Variants in NFAT5 observed in about 807,000 individuals in gnomAD.
NFAT5 encodes the protein nuclear factor of activated T-cells 5.
Under a neutral mutation model 166.5 loss-of-function variants are expected in NFAT5, and 31 were observed. The observed-to-expected ratio is 0.19, with a 90% CI of 0.14 to 0.25. The LOEUF (loss-of-function observed/expected upper bound fraction) is 0.25. Among genes scored for constraint, NFAT5 ranks in the 10% least tolerant of loss-of-function variants. NFAT5 has a pLI of 1.00. For missense variants in NFAT5, 1,449 were observed against 1,821.8 expected (o/e 0.80, Z 3.72); for synonymous variants, 612 against 639.7 (o/e 0.96, Z 0.65).
chr16:69,566,716 A>G lies in NFAT5; in HGVS notation c.73+342A>G, dbSNP rs902706046. Among the ~76,000 whole-genome samples the G allele has an allele frequency of 1.3e-5, 2 of 151,624 alleles. No individual in the cohort carries two copies. Among genetic ancestry groups the G allele is most frequent in the African/African-American group, 4.8e-5 (2 of 41,316 alleles). On this transcript the variant is annotated intron_variant, in intron 1 of 14. Transcript: ENST00000349945. This position sits in a 1 kb window ranked among gnomAD's most constrained non-coding sequence, Gnocchi z 5.7. ...CGGCCCCGGCCTCCCGGGCTCGGGG[A>G]TGGCCCCAGACTGGGCCCCGCGCTG...
In NFAT5 at chr16:69,647,549, AC is replaced by A. The variant is rs2035490210; in HGVS notation, c.777del (p.Thr260ArgfsTer22). On this transcript the variant is annotated frameshift_variant, in exon 4 of 15. Transcript: ENST00000349945. LOFTEE classifies it high-confidence loss of function. This position sits in a 1 kb window ranked among gnomAD's most constrained non-coding sequence, Gnocchi z 4.8. Reference protein sequence around the residue: ...KAPHYVLSQLTTDNKGNSKAG... With the variant: ...KAPHYVLSQLXTDNKGNSKAG... The stretch of plus-strand genomic sequence containing the variant: ...ACCTCACTATGTGCTTTCTCAGCTT[AC>A]CACGGACAACAAAGGCAACTCAAAA... The A allele has an allele frequency of 6.3e-7, 1 of 1,593,414 alleles. No individual in the cohort carries two copies. Among genetic ancestry groups the A allele is most frequent in the Non-Finnish European group, 8.5e-7 (1 of 1,172,352 alleles).
chr16:69,659,440 CA>C (rs140974727), intron 6 of NFAT5, among the ~76,000 whole-genome samples: 1 of 148,686 alleles, frequency 6.7e-6, no homozygotes, highest in African/African-American at 2.5e-5. Context: ...GACTCCATCT[CA>C]AAAAAAAAGA....
In NFAT5 at chr16:69,657,025, T is replaced by C. The variant is rs2035909611; in HGVS notation, c.1196+1226T>C. Among the ~76,000 whole-genome samples the C allele has an allele frequency of 2.0e-5, 3 of 151,938 alleles. No homozygotes were observed. In the South Asian group the frequency reaches 6.2e-4, roughly 32 times the overall value. ...GATCTATGTTGTAATTATTTGTATA[T>C]TGGATAGTTGCTAAAGACTTTACTT... On this transcript the variant is annotated intron_variant, in intron 6 of 14. Transcript: ENST00000349945.
At chr16:69,634,805 T>G (rs1373231352) in intron 3 of NFAT5, among the ~76,000 whole-genome samples, 1 of 152,198 alleles carries the variant, frequency 6.6e-6, no homozygotes, top group Admixed American at 6.5e-5. Flanking sequence ...TGAATCTAAT[T>G]GCTATCATAT....
intron 2 of NFAT5, among the ~76,000 whole-genome samples, chr16:69,581,521 C>T (rs1255984008): frequency 6.6e-6 from 1 of 152,180 alleles, no homozygotes; most frequent in Non-Finnish European, 1.5e-5. Flanking sequence ...AACTGCCAAA[C>T]TGCTTTCCAT....
chr16:69,657,676 T>C (rs1379183296), intron 6 of NFAT5, among the ~76,000 whole-genome samples: 27 of 144,204 alleles, frequency 1.9e-4, no homozygotes, highest in African/African-American at 6.4e-4. Flanking sequence ...AGAGAATTGC[T>C]TGAAGCCGGG....
intron 3 of NFAT5, among the ~76,000 whole-genome samples, chr16:69,629,874 T>G (rs987739006): frequency 2.0e-5 from 3 of 149,614 alleles, no homozygotes; most frequent in Non-Finnish European, 4.4e-5. Flanking sequence ...GCTCAAGTGA[T>G]CCTCCCATTT....
At chr16:69,633,879 G>A (rs1245343856) in intron 3 of NFAT5, among the ~76,000 whole-genome samples, 1 of 151,892 alleles carries the variant, frequency 6.6e-6, no homozygotes, top group Non-Finnish European at 1.5e-5. Flanking sequence ...TAATGGATAT[G>A]TTAATTACCT....
At chr16:69,629,177 G>A (rs2034597232) in intron 3 of NFAT5, among the ~76,000 whole-genome samples, 1 of 152,230 alleles carries the variant, frequency 6.6e-6, no homozygotes, top group Admixed American at 6.5e-5. Context: ...TCTCAGGTAT[G>A]AGGGCCTGGT....
Position 69,566,636 on chromosome 16 carries a change from C to T in NFAT5, c.73+262C>T, listed in dbSNP as rs976799426. ...GTCGGCCCCCGGGGCTCTGCGGCACCGGTCGCTTCTAGCCGCTCTCAGCCC... is the reference window on the plus strand; with the variant it reads ...GTCGGCCCCCGGGGCTCTGCGGCACTGGTCGCTTCTAGCCGCTCTCAGCCC... On this transcript the variant is annotated intron_variant, in intron 1 of 14. Transcript: ENST00000349945. The surrounding 1 kb of genome is among the most constrained non-coding windows in gnomAD (Gnocchi z 5.7). 1.3e-5 allele frequency among the ~76,000 whole-genome samples: 2 copies of T among 152,108 alleles called. No individual in the cohort carries two copies. Among genetic ancestry groups the T allele is most frequent in the Admixed American group, 6.5e-5 (1 of 15,298 alleles).
intron 7 of NFAT5, among the ~76,000 whole-genome samples, chr16:69,664,272 T>A (rs2036266896): frequency 6.6e-6 from 1 of 152,148 alleles, no homozygotes; most frequent in African/African-American, 2.4e-5. Context: ...ATATTCATTA[T>A]TTTTTTCAAC....
intron 9 of NFAT5, 125 bp from the exon 10 acceptor site, chr16:69,677,078 A>T: frequency 1.1e-6 from 1 of 921,358 alleles, no homozygotes; most frequent in Non-Finnish European, 1.6e-6. Context: ...CCTGAGCTTT[A>T]AAATGCATTC....
intron 3 of NFAT5, among the ~76,000 whole-genome samples, chr16:69,633,595 T>C (rs940058265): frequency 6.6e-6 from 1 of 152,200 alleles, no homozygotes; most frequent in Non-Finnish European, 1.5e-5. Flanking sequence ...AAACACTGCA[T>C]GTTCTCACTC....
Position 69,692,876 on chromosome 16 carries a change from G to A in NFAT5, c.3051G>A (p.Gln1017=). The A allele has an allele frequency of 6.2e-7, 1 of 1,614,210 alleles. No homozygotes were observed. The highest frequency in any genetic ancestry group is 2.2e-5 in the East Asian group (1 of 44,884). ...AAGAAACTGGAACACAAGCAAAACA[G>A]ATTCAGAACAGTGTCTTTCAGACCA... ...DGEETGTQAK[Q]IQNSVFQTMV... The change falls in exon 13 of 15, where the codon CAG becomes CAA. Residue 1017 remains glutamine (Q), a synonymous_variant. Coordinates refer to ENST00000349945, the MANE Select transcript of NFAT5 (RefSeq NM_138713.4).
chr16:69,674,197 C>G (rs1401133792), intron 9 of NFAT5, among the ~76,000 whole-genome samples: 1 of 145,450 alleles, frequency 6.9e-6, no homozygotes, highest in Non-Finnish European at 1.5e-5. Context: ...GAGCTGAGAT[C>G]ACGCCATTGC....
At chr16:69,673,581 G>A (rs908185436) in intron 9 of NFAT5, among the ~76,000 whole-genome samples, 5 of 152,078 alleles carry the variant, frequency 3.3e-5, no homozygotes, top group African/African-American at 4.8e-5. Context: ...AATATAGCCA[G>A]TCATGGTGGC....
chr16:69,683,166 G>A (rs191743087), intron 10 of NFAT5, among the ~76,000 whole-genome samples: 76 of 152,044 alleles, frequency 5.0e-4, no homozygotes, highest in Non-Finnish European at 7.5e-4. Context: ...AGCTGAGATC[G>A]CGCCACTGCA....
At chr16:69,646,822 A>G (rs2035456365) in intron 3 of NFAT5, among the ~76,000 whole-genome samples, 1 of 152,278 alleles carries the variant, frequency 6.6e-6, no homozygotes, top group Non-Finnish European at 1.5e-5. Flanking sequence ...TAACATAAGT[A>G]AAATAATGCT....
At chr16:69,587,362 C>T (rs948457080) in intron 2 of NFAT5, among the ~76,000 whole-genome samples, 6 of 150,938 alleles carry the variant, frequency 4.0e-5, no homozygotes, top group Admixed American at 2.6e-4. Context: ...AGGTGTGAGC[C>T]ACCATGCCCG....
Sources: allele counts gnomAD v4.1 joint callset (sites outside exome capture counted in the v4.1 genomes callset), GRCh38; gene constraint gnomAD v4.1.1; non-coding constraint Gnocchi (gnomAD v3.1); transcripts MANE v1.5; gene names NCBI Gene and HGNC (gene_info 2026-07-23, HGNC 2026-07-21).